The following TSNARE1 variants were observed in gnomAD, a reference collection of about 807,000 sequenced individuals.
TSNARE1 encodes t-SNARE domain-containing protein 1.
TSNARE1 carries 49 observed loss-of-function variants against 62.0 expected under a neutral mutation model. The ratio of observed to expected loss-of-function variants is 0.79; its 90% CI spans 0.63 to 1.00. The LOEUF (loss-of-function observed/expected upper bound fraction) is 1.00, where lower values mean the gene tolerates loss of function less well. Among genes scored for constraint, TSNARE1 ranks in the 50% least tolerant of loss-of-function variants. The probability of loss-of-function intolerance (pLI) is 0.00; values close to 1 mark genes in which losing one functional copy is unlikely to be tolerated. For missense variants in TSNARE1, 755 were observed against 700.1 expected, an observed-to-expected ratio of 1.08 and a Z score of -0.88; for synonymous variants, 328 against 294.4, an observed-to-expected ratio of 1.11 and a Z score of -1.17.
At chr8:142,223,271 T>TCAC (rs1554624403) in intron 13 of TSNARE1, among the ~76,000 whole-genome samples, 1 of 56,590 alleles carries the variant, frequency 1.8e-5, no homozygotes, top group Non-Finnish European at 4.1e-5. Flanking sequence ...CACTCACTCA[T>TCAC]TCAGTCACTC....
intron 2 of TSNARE1, among the ~76,000 whole-genome samples, chr8:142,352,122 G>A (rs192837533): frequency 2.9e-4 from 44 of 152,342 alleles, no homozygotes; most frequent in East Asian, 1.4e-3. Context: ...AAGCCGGCCC[G>A]GCCTGGATTG....
chr8:142,376,633 C>G (rs569485791), intron 1 of TSNARE1, among the ~76,000 whole-genome samples: 13 of 152,300 alleles, frequency 8.5e-5, no homozygotes, highest in South Asian at 2.1e-4. Flanking sequence ...CCAGCCAGTT[C>G]ATGGTATTTG....
intron 1 of TSNARE1, among the ~76,000 whole-genome samples, chr8:142,396,606 C>G (rs28481982): frequency 0.17 from 25,251 of 152,184 alleles, 2,216 homozygotes; most frequent in East Asian, 0.21. Context: ...CAGCCTGGTC[C>G]CCCTGGAGAG....
chr8:142,345,738 A>C lies in TSNARE1; in HGVS notation c.238+5T>G. ...CCCCTGAGACCCAGCGTCTGAGTGA[A>C]GTACCTCGCTTCCTGGCCCTTGGGA... On this transcript the variant is annotated splice_donor_5th_base_variant and intron_variant, in intron 3 of 13. Coordinates refer to ENST00000524325, the MANE Select transcript of TSNARE1 (RefSeq NM_145003.5). 2 of 1,592,848 alleles carry C rather than the reference A, an allele frequency of 1.3e-6. No homozygotes were observed. The highest frequency in any genetic ancestry group is 1.7e-6 in the Non-Finnish European group (2 of 1,168,418).
In TSNARE1 at chr8:142,338,985, C is replaced by T. The variant is rs571954418; in HGVS notation, c.745+4981G>A. On this transcript the variant is annotated intron_variant, in intron 4 of 13. Transcript: ENST00000524325. ...GTGAGCTGCTGCCAGATTCTGCTAC[C>T]GTGACCTGGGCAGGGCACAAGTGGC... Among the ~76,000 whole-genome samples the T allele has an allele frequency of 7.9e-5, 12 of 152,264 alleles. No individual in the cohort carries two copies. The South Asian group carries it at 1.2e-3, about 16-fold the overall frequency.
intron 12 of TSNARE1, among the ~76,000 whole-genome samples, chr8:142,245,128 A>G (rs1342898124): frequency 6.6e-6 from 1 of 152,254 alleles, no homozygotes; most frequent in African/African-American, 2.4e-5. Context: ...ACACTTAGTT[A>G]CTATTTTACA....
At chr8:142,356,700 G>A (rs574269780) in intron 1 of TSNARE1, among the ~76,000 whole-genome samples, 29 of 152,248 alleles carry the variant, frequency 1.9e-4, no homozygotes, top group African/African-American at 6.5e-4. Flanking sequence ...TTTACTACAC[G>A]CGCAGATTCA....
intron 11 of TSNARE1, chr8:142,277,902 C>A (rs1181159413): frequency 2.0e-6 from 2 of 985,410 alleles, no homozygotes; most frequent in East Asian, 1.1e-4. Flanking sequence ...CCCTGCCAGG[C>A]CCCTCCTTCT....
intron 12 of TSNARE1, among the ~76,000 whole-genome samples, chr8:142,243,339 G>A (rs1020624302): frequency 4.6e-5 from 7 of 152,226 alleles, no homozygotes; most frequent in Admixed American, 2.0e-4. Flanking sequence ...TAGCCAGGAC[G>A]TGGAATCGGC....
At chr8:142,369,794 AAG>A (rs1369680955) in intron 1 of TSNARE1, among the ~76,000 whole-genome samples, 1 of 152,252 alleles carries the variant, frequency 6.6e-6, no homozygotes, top group Non-Finnish European at 1.5e-5. Flanking sequence ...AAAGTGAAAA[AAG>A]AAAACAAAAG....
At chr8:142,236,413 G>A (rs1027281664) in intron 12 of TSNARE1, among the ~76,000 whole-genome samples, 14 of 151,866 alleles carry the variant, frequency 9.2e-5, no homozygotes, top group African/African-American at 3.1e-4. Context: ...TGGCGTGACC[G>A]TCCCCACCCT....
intron 2 of TSNARE1, 108 bp from the exon 3 acceptor site, chr8:142,346,000 T>C (rs1301892200): frequency 2.3e-6 from 3 of 1,328,822 alleles, no homozygotes; most frequent in Middle Eastern, 1.9e-4. Flanking sequence ...GATGCTCCAC[T>C]CAGGGCTCCT....
intron 13 of TSNARE1, among the ~76,000 whole-genome samples, chr8:142,227,017 A>AG (rs1563760505): frequency 7.2e-6 from 1 of 139,780 alleles, no homozygotes; most frequent in African/African-American, 3.1e-5. Flanking sequence ...AGTGACAGCC[A>AG]AGCCCCCCAC....
chr8:142,323,561 T>C (rs61119807), intron 6 of TSNARE1, among the ~76,000 whole-genome samples: 37,344 of 152,190 alleles, frequency 0.25, 4,857 homozygotes, highest in South Asian at 0.36. Context: ...TGGGTCCCAC[T>C]GGAGGGGGCT....
At chr8:142,401,793 C>T (rs1838312015) in intron 1 of TSNARE1, among the ~76,000 whole-genome samples, 1 of 152,192 alleles carries the variant, frequency 6.6e-6, no homozygotes, top group African/African-American at 2.4e-5. Context: ...GCATTCACGG[C>T]CTGTGCTGCT....
chr8:142,371,316 A>G (rs1260955448), intron 1 of TSNARE1, among the ~76,000 whole-genome samples: 4 of 152,160 alleles, frequency 2.6e-5, no homozygotes, highest in African/African-American at 7.2e-5. Context: ...GGGAAAAAAA[A>G]CCCTGCAGGA....
intron 8 of TSNARE1, 40 bp downstream of exon 8, chr8:142,314,963 C>A: frequency 6.2e-7 from 1 of 1,602,016 alleles, no homozygotes; most frequent in Non-Finnish European, 8.6e-7. Context: ...GCCGACCCCA[C>A]CTGGCCTGCA....
Position 142,289,456 on chromosome 8 carries a change from G to A in TSNARE1, c.1291-4971C>T, listed in dbSNP as rs968632524. 6.6e-5 allele frequency among the ~76,000 whole-genome samples: 10 copies of A among 152,292 alleles called. No individual in the cohort carries two copies. The East Asian group carries it at 1.5e-3, about 24-fold the overall frequency. On this transcript the variant is annotated intron_variant, in intron 10 of 13. Transcript: ENST00000524325. ...CCAGGGCCCCACTATCCCTCCTGGCGACCGAGCTGGGGATCTCACGGAACC... is the reference window on the plus strand; with the variant it reads ...CCAGGGCCCCACTATCCCTCCTGGCAACCGAGCTGGGGATCTCACGGAACC...
intron 1 of TSNARE1, among the ~76,000 whole-genome samples, chr8:142,386,436 C>A (rs1217413327): frequency 6.6e-6 from 1 of 151,792 alleles, no homozygotes; most frequent in East Asian, 1.9e-4. Flanking sequence ...GAAAATGGAC[C>A]ACAGAGTAAA....
Sources: gnomAD v4.1 joint callset for allele counts (sites outside exome capture counted in the v4.1 genomes callset) on GRCh38, gnomAD v4.1.1 for gene constraint, MANE v1.5 for transcripts, NCBI Gene and HGNC (gene_info 2026-07-23, HGNC 2026-07-21) for gene names.